The following TAX1BP1 variants were observed in gnomAD, a reference collection of about 807,000 sequenced individuals.
TAX1BP1 encodes the protein tax1-binding protein 1.
A neutral mutation model predicts 97.7 loss-of-function variants in TAX1BP1; 62 were observed. That is an observed-to-expected ratio of 0.63 (90% CI 0.52 to 0.78). The LOEUF (loss-of-function observed/expected upper bound fraction) is 0.78, where lower values mean the gene tolerates loss of function less well. Among genes scored for constraint, TAX1BP1 ranks in the 30% least tolerant of loss-of-function variants. The pLI is 0.00. For synonymous variants in TAX1BP1, 340 were observed against 304.2 expected, an observed-to-expected ratio of 1.12 and a Z score of -1.23; for missense variants, 867 against 916.1, an observed-to-expected ratio of 0.95 and a Z score of 0.69.
chr7:27,828,759 A>G lies in TAX1BP1; in HGVS notation c.2300A>G (p.Asp767Gly). The G allele has an allele frequency of 1.2e-6, 2 of 1,613,964 alleles. No individual in the cohort carries two copies. Among genetic ancestry groups the G allele is most frequent in the Non-Finnish European group, 1.7e-6 (2 of 1,179,964 alleles). The change falls in exon 17 of 17, where the codon GAC (aspartate) becomes GGC (glycine). Residue 767 changes from aspartate (D) to glycine (G), a missense_variant. Physicochemically the swap from Asp to Gly is moderately conservative, Grantham distance 94. Around this residue, in one of 3 missense-constraint regions of TAX1BP1, gnomAD observed 34 missense variants for 33.2 expected, o/e 1.02. Transcript: ENST00000396319. ...ATGTGCAGCGAGCAGTTCCCTCCTG[A>G]CTATGACCAGCAGGTGTTTGAAAGG... Reference protein sequence around the residue: ...CPMCSEQFPPDYDQQVFERHV... With the variant: ...CPMCSEQFPPGYDQQVFERHV...
intron 3 of TAX1BP1, among the ~76,000 whole-genome samples, chr7:27,763,757 G>A (rs890132726): frequency 4.0e-5 from 6 of 149,274 alleles, no homozygotes; most frequent in Non-Finnish European, 7.4e-5. Context: ...GACAGAGCGA[G>A]ACTCTGTCTC....
chr7:27,765,746 A>C, intron 3 of TAX1BP1, 88 bp from the exon 4 acceptor site: 1 of 1,134,898 alleles, frequency 8.8e-7, no homozygotes, highest in South Asian at 1.5e-5. Context: ...CAGTGTGGGG[A>C]ATGAGACATG....
chr7:27,794,538 A>C lies in TAX1BP1; in HGVS notation c.1534+92A>C. 3.7e-6 allele frequency: 5 copies of C among 1,368,632 alleles called. No individual in the cohort carries two copies. In the South Asian group the frequency reaches 9.6e-5, roughly 26 times the overall value. The allele number at this position is 1,368,632 out of a possible 1,614,324, so 84.8% of individuals were successfully genotyped here. On this transcript the variant is annotated intron_variant, in intron 11 of 16. Coordinates refer to ENST00000396319, the MANE Select transcript of TAX1BP1 (RefSeq NM_006024.7). The stretch of plus-strand genomic sequence containing the variant: ...CATGTGTTAGAATTTCAGGATGTTC[A>C]TAAAAATTTTCATGTGATAAGTGAA...
At chr7:27,800,124 G>T in intron 13 of TAX1BP1, 34 bp downstream of exon 13, 2 of 1,502,332 alleles carry the variant, frequency 1.3e-6, no homozygotes, top group Non-Finnish European at 1.8e-6. Context: ...TAAACTTAAG[G>T]CATAAACTTC....
chr7:27,785,058 T>C lies in TAX1BP1; in HGVS notation c.613-105T>C, dbSNP rs182864394. On this transcript the variant is annotated intron_variant, in intron 5 of 16. Transcript: ENST00000396319. ...TTCTCAAATTTGGAGGGAACAAATG[T>C]GGGATTAAAATTCTAAGAATACATA... The C allele has an allele frequency of 1.9e-4, 217 of 1,165,376 alleles. 1 individual carries two copies. The African/African-American group carries it at 3.2e-3, about 17-fold the overall frequency. 72.2% of individuals were successfully genotyped at this position (1,165,376 alleles called of 1,614,324 possible).
At chr7:27,823,242 G>C (rs969270231) in intron 15 of TAX1BP1, among the ~76,000 whole-genome samples, 1 of 152,134 alleles carries the variant, frequency 6.6e-6, no homozygotes, top group African/African-American at 2.4e-5. Context: ...GTTTTGAGGG[G>C]CAAAGAGATA....
intron 15 of TAX1BP1, among the ~76,000 whole-genome samples, chr7:27,823,419 T>C (rs1791053397): frequency 6.6e-6 from 1 of 152,222 alleles, no homozygotes; most frequent in South Asian, 2.1e-4. Flanking sequence ...GTGAAACTTT[T>C]CTTCCTCAAT....
intron 15 of TAX1BP1, among the ~76,000 whole-genome samples, chr7:27,822,625 G>A (rs1791021191): frequency 6.6e-6 from 1 of 152,152 alleles, no homozygotes; most frequent in Non-Finnish European, 1.5e-5. Flanking sequence ...TCTTTCATGT[G>A]CTTGCTGGCC....
chr7:27,802,685 G>T (rs1790186179), intron 13 of TAX1BP1, among the ~76,000 whole-genome samples: 1 of 152,178 alleles, frequency 6.6e-6, no homozygotes, highest in Non-Finnish European at 1.5e-5. Context: ...TTAAAAGGCA[G>T]ATTTGGAACT....
chr7:27,766,529 CT>C (rs916345854), intron 4 of TAX1BP1, among the ~76,000 whole-genome samples: 21 of 139,160 alleles, frequency 1.5e-4, no homozygotes, highest in African/African-American at 5.6e-4. Context: ...TTAAAAAAAT[CT>C]TTTGGCCACA....
chr7:27,776,746 A>G (rs920433788), intron 5 of TAX1BP1, among the ~76,000 whole-genome samples: 45 of 147,132 alleles, frequency 3.1e-4, no homozygotes, highest in African/African-American at 1.1e-3. Flanking sequence ...CCTCTTCTTC[A>G]GGGACTCGAG....
chr7:27,823,561 G>A (rs1036795382), intron 15 of TAX1BP1, among the ~76,000 whole-genome samples: 1 of 152,194 alleles, frequency 6.6e-6, no homozygotes, highest in Admixed American at 6.5e-5. Context: ...TACAGATTAT[G>A]TAACTCAGTC....
chr7:27,819,119 A>G (rs1186820870), intron 15 of TAX1BP1, among the ~76,000 whole-genome samples: 1 of 152,162 alleles, frequency 6.6e-6, no homozygotes, highest in African/African-American at 2.4e-5. Context: ...CGTTGTAATG[A>G]ACCGATGAAA....
chr7:27,748,757 AG>A, intron 2 of TAX1BP1, 71 bp downstream of exon 2: 1 of 1,241,294 alleles, frequency 8.1e-7, no homozygotes, highest in Non-Finnish European at 1.1e-6. Flanking sequence ...ATTGATAAGT[AG>A]CTTTTACTTG....
At position 27,764,113 on chromosome 7, in the gene TAX1BP1, C is replaced by A. The variant is rs944395922; in HGVS notation, c.266-1721C>A. 1.3e-5 allele frequency among the ~76,000 whole-genome samples: 2 copies of A among 152,114 alleles called. 1 individual carries two copies. The highest frequency in any genetic ancestry group is 4.1e-4 in the South Asian group (2 of 4,828). On this transcript the variant is annotated intron_variant, in intron 3 of 16. Transcript: ENST00000396319. ...CGTGTCATGTGAGCATCTTACATGA[C>A]CATGGTACATTTATTTAAGAAACCA...
chr7:27,814,894 G>A (rs947667064), intron 13 of TAX1BP1, among the ~76,000 whole-genome samples: 27 of 152,020 alleles, frequency 1.8e-4, no homozygotes, highest in African/African-American at 5.5e-4. Flanking sequence ...GTGCCACCAC[G>A]GTTGACTAAT....
rs1296055207 is a variant in TAX1BP1 at position 27,829,738 on chromosome 7, G to C, written c.*909G>C. On this transcript the variant is annotated 3_prime_UTR_variant, in exon 17 of 17. Coordinates refer to ENST00000396319, the MANE Select transcript of TAX1BP1 (RefSeq NM_006024.7). ...GTATAGAACTGTCACTAACATTAAAGAAAGAGGACACATTTTTCAAGATCT... is the reference window on the plus strand; with the variant it reads ...GTATAGAACTGTCACTAACATTAAACAAAGAGGACACATTTTTCAAGATCT... The C allele has an allele frequency of 1.3e-5, 2 of 152,138 alleles. No homozygotes were observed. Among genetic ancestry groups the C allele is most frequent in the African/African-American group, 4.8e-5 (2 of 41,436 alleles). 9.4% of individuals were successfully genotyped at this position (152,138 alleles called of 1,614,324 possible).
intron 4 of TAX1BP1, 62 bp downstream of exon 4, chr7:27,766,083 T>G: frequency 8.6e-6 from 13 of 1,510,962 alleles, no homozygotes; most frequent in African/African-American, 1.4e-5. Context: ...TCATGTTGGT[T>G]GGCATTTTAA....
intron 1 of TAX1BP1, among the ~76,000 whole-genome samples, chr7:27,744,316 G>C (rs951707988): frequency 6.6e-6 from 1 of 151,922 alleles, no homozygotes. Flanking sequence ...TAGTAGAGAT[G>C]GGTTTTCACC....
Sources: gnomAD v4.1 joint callset for allele counts (sites outside exome capture counted in the v4.1 genomes callset) on GRCh38, gnomAD v4.1.1 for gene constraint, gnomAD v4.1.1 regional missense constraint, MANE v1.5 for transcripts, NCBI Gene and HGNC (gene_info 2026-07-23, HGNC 2026-07-21) for gene names.